The following AGBL4 variants were observed in gnomAD, a reference collection of about 807,000 sequenced individuals.
The protein encoded by AGBL4 is cytosolic carboxypeptidase 6.
In AGBL4, 58 loss-of-function variants were observed where a neutral mutation model predicts 66.4. The observed-to-expected ratio is 0.87, with a 90% CI of 0.71 to 1.09. The LOEUF is 1.09. Among genes scored for constraint, AGBL4 ranks in the 50% least tolerant of loss-of-function variants. The pLI, the probability that AGBL4 is intolerant of heterozygous loss-of-function variation, is 0.00. For missense variants in AGBL4, 579 were observed against 631.0 expected, an observed-to-expected ratio of 0.92 and a Z score of 0.88; for synonymous variants, 234 against 222.9, an observed-to-expected ratio of 1.05 and a Z score of -0.44.
intron 3 of AGBL4, among the ~76,000 whole-genome samples, chr1:49,657,260 G>C (rs1245488723): frequency 6.6e-6 from 1 of 152,116 alleles, no homozygotes; most frequent in Non-Finnish European, 1.5e-5. Flanking sequence ...ATTCACAATT[G>C]CTTCAGAGAG....
intron 5 of AGBL4, among the ~76,000 whole-genome samples, chr1:49,037,198 GT>G (rs1167136898): frequency 6.6e-6 from 1 of 152,072 alleles, no homozygotes; most frequent in Admixed American, 6.6e-5. Flanking sequence ...TTCTTTTGAA[GT>G]GTTAAGATCA....
At chr1:48,673,730 G>A (rs186780229) in intron 6 of AGBL4, among the ~76,000 whole-genome samples, 1 of 152,334 alleles carries the variant, frequency 6.6e-6, no homozygotes, top group Admixed American at 6.5e-5. Flanking sequence ...ACTATGGAAT[G>A]GCGACAGCCA....
At chr1:48,987,181 A>G (rs1660244744) in intron 5 of AGBL4, among the ~76,000 whole-genome samples, 1 of 152,038 alleles carries the variant, frequency 6.6e-6, no homozygotes, top group Admixed American at 6.6e-5. Flanking sequence ...AGATGAAACA[A>G]ATAGAAAACA....
At chr1:49,046,674 C>A (rs1324692735) in intron 4 of AGBL4, among the ~76,000 whole-genome samples, 2 of 152,178 alleles carry the variant, frequency 1.3e-5, no homozygotes, top group East Asian at 3.8e-4. Flanking sequence ...CATTTCAAAT[C>A]CTGCTAATCC....
intron 3 of AGBL4, among the ~76,000 whole-genome samples, chr1:49,469,089 C>T (rs553261026): frequency 2.0e-5 from 3 of 151,878 alleles, no homozygotes; most frequent in African/African-American, 7.2e-5. Context: ...TTTCCCTTTT[C>T]ACCTATTTCT....
At chr1:49,468,975 C>T (rs1646685638) in intron 3 of AGBL4, among the ~76,000 whole-genome samples, 1 of 151,770 alleles carries the variant, frequency 6.6e-6, no homozygotes. Flanking sequence ...AGTTTTTGAT[C>T]TGTCTCATCA....
chr1:48,701,545 G>A (rs1487740438), intron 6 of AGBL4, among the ~76,000 whole-genome samples: 1 of 151,702 alleles, frequency 6.6e-6, no homozygotes, highest in Admixed American at 6.6e-5. Context: ...CCATCATGGC[G>A]CACTGCAGCC....
intron 3 of AGBL4, among the ~76,000 whole-genome samples, chr1:49,317,698 G>A (rs1645064402): frequency 6.6e-6 from 1 of 151,870 alleles, no homozygotes; most frequent in South Asian, 2.1e-4. Context: ...GAAAGAGCAG[G>A]CAGGAAGTCT....
At chr1:49,309,922 A>C (rs1295621660) in intron 3 of AGBL4, among the ~76,000 whole-genome samples, 4 of 152,146 alleles carry the variant, frequency 2.6e-5, no homozygotes, top group Non-Finnish European at 5.9e-5. Context: ...TGTAGAGGAC[A>C]CAGGGAATAA....
Position 48,736,703 on chromosome 1 carries a change from C to T in AGBL4, c.635-73462G>A, listed in dbSNP as rs141178509. On this transcript the variant is annotated intron_variant, in intron 6 of 13. Coordinates refer to ENST00000371839, the MANE Select transcript of AGBL4 (RefSeq NM_032785.4). This position sits in a 1 kb window ranked among gnomAD's most constrained non-coding sequence, Gnocchi z 4.0. Reference sequence around the variant, plus strand: ...CAATTGTGGATAGAAGGCATTATAACACCATTTTCCTTTCAGATGGAAACA... The same window carrying T: ...CAATTGTGGATAGAAGGCATTATAATACCATTTTCCTTTCAGATGGAAACA... Among the ~76,000 whole-genome samples the T allele has an allele frequency of 9.2e-4, 140 of 152,264 alleles. 3 individuals carry two copies. In the East Asian group the frequency reaches 0.021, roughly 23 times the overall value.
At chr1:49,364,562 C>CT (rs1260959958) in intron 3 of AGBL4, among the ~76,000 whole-genome samples, 1 of 152,012 alleles carries the variant, frequency 6.6e-6, no homozygotes, top group Non-Finnish European at 1.5e-5. Flanking sequence ...GCTGCAACCT[C>CT]TGCCTCCCAG....
chr1:49,107,846 A>G (rs1482357724), intron 4 of AGBL4, among the ~76,000 whole-genome samples: 1 of 152,138 alleles, frequency 6.6e-6, no homozygotes, highest in Non-Finnish European at 1.5e-5. Context: ...ACAGGGAGCT[A>G]TGAGCCAATA....
chr1:49,542,896 C>CAAAAAAAAAAA, intron 3 of AGBL4, among the ~76,000 whole-genome samples: 1 of 22,892 alleles, frequency 4.4e-5, no homozygotes, highest in Non-Finnish European at 6.9e-5. Context: ...AAGACTCCAT[C>CAAAAAAAAAAA]AAAAAAAAAA....
intron 3 of AGBL4, among the ~76,000 whole-genome samples, chr1:49,318,568 T>C (rs1181820607): frequency 6.6e-6 from 1 of 152,110 alleles, no homozygotes; most frequent in Non-Finnish European, 1.5e-5. Context: ...AGAATTCCTT[T>C]AAAAGAATCT....
chr1:48,789,288 A>ATT (rs1200666319), intron 6 of AGBL4, among the ~76,000 whole-genome samples: 11 of 50,500 alleles, frequency 2.2e-4, no homozygotes, highest in African/African-American at 4.7e-4. Flanking sequence ...ATATATATAT[A>ATT]TATATATTTT....
At chr1:49,356,878 A>G (rs564370118) in intron 3 of AGBL4, among the ~76,000 whole-genome samples, 3 of 152,264 alleles carry the variant, frequency 2.0e-5, no homozygotes, top group African/African-American at 7.2e-5. Flanking sequence ...AGAGCTTTAA[A>G]CTCAAATCTT....
At chr1:49,904,353 T>C (rs1258814585) in intron 1 of AGBL4, among the ~76,000 whole-genome samples, 1 of 152,176 alleles carries the variant, frequency 6.6e-6, no homozygotes, top group Non-Finnish European at 1.5e-5. Flanking sequence ...AAATACATTT[T>C]AGATCTATGC....
intron 3 of AGBL4, among the ~76,000 whole-genome samples, chr1:49,425,758 A>AG (rs1352226939): frequency 6.6e-6 from 1 of 152,170 alleles, no homozygotes; most frequent in African/African-American, 2.4e-5. Flanking sequence ...ACCAGGGGTG[A>AG]GGGGGTGAGA....
chr1:49,409,842 AG>A (rs779623908), intron 3 of AGBL4, among the ~76,000 whole-genome samples: 7 of 152,196 alleles, frequency 4.6e-5, no homozygotes, highest in Non-Finnish European at 8.8e-5. Context: ...ACAGGAGGAT[AG>A]GAATATTATA....
Sources: allele counts gnomAD v4.1 joint callset (sites outside exome capture counted in the v4.1 genomes callset), GRCh38; gene constraint gnomAD v4.1.1; non-coding constraint Gnocchi (gnomAD v3.1); transcripts MANE v1.5; gene names NCBI Gene and HGNC (gene_info 2026-07-23, HGNC 2026-07-21).